KCNIP4: variants seen among roughly 807,000 people sequenced by gnomAD.
The protein encoded by KCNIP4 is potassium voltage-gated channel interacting protein 4, also known as Kv channel-interacting protein 4.
Under a neutral mutation model 34.0 loss-of-function variants are expected in KCNIP4, and 12 were observed. The ratio of observed to expected loss-of-function variants is 0.35; its 90% CI spans 0.23 to 0.57. The LOEUF is 0.57. KCNIP4 is among the 20% of genes least tolerant of loss of function. The pLI is 0.83. For missense variants in KCNIP4, 238 were observed against 311.7 expected (o/e 0.76, Z 1.78); for synonymous variants, 124 against 102.2 (o/e 1.21, Z -1.29).
At chr4:20,897,958 G>C (rs909549501) in intron 1 of KCNIP4, among the ~76,000 whole-genome samples, 3 of 152,158 alleles carry the variant, frequency 2.0e-5, no homozygotes, top group African/African-American at 7.2e-5. Flanking sequence ...TTCTTGGTGG[G>C]TCTGTGTTTC....
At chr4:21,026,250 G>A (rs912593281) in intron 1 of KCNIP4, among the ~76,000 whole-genome samples, 12 of 152,150 alleles carry the variant, frequency 7.9e-5, no homozygotes, top group African/African-American at 2.9e-4. Context: ...AGTTCTCAGA[G>A]AAGCCTGTAC....
intron 1 of KCNIP4, among the ~76,000 whole-genome samples, chr4:21,165,408 TAA>T (rs538397549): frequency 0.017 from 27 of 1,614 alleles, 1 homozygote; most frequent in African/African-American, 0.029. Context: ...TAGAGTATAA[TAA>T]AAAAAAAAAA....
At chr4:21,693,693 T>A (rs1180748986) in intron 1 of KCNIP4, among the ~76,000 whole-genome samples, 3 of 152,202 alleles carry the variant, frequency 2.0e-5, no homozygotes, top group Non-Finnish European at 4.4e-5. Flanking sequence ...AATGGACAAA[T>A]GTGCATCATC....
At chr4:21,144,764 T>G (rs910608026) in intron 1 of KCNIP4, among the ~76,000 whole-genome samples, 3 of 152,186 alleles carry the variant, frequency 2.0e-5, no homozygotes, top group African/African-American at 7.2e-5. Context: ...TTAGAGCCAT[T>G]TTTGTCCTTT....
chr4:21,071,828 T>C (rs919132181), intron 1 of KCNIP4, among the ~76,000 whole-genome samples: 2 of 152,146 alleles, frequency 1.3e-5, no homozygotes, highest in Non-Finnish European at 2.9e-5. Context: ...GTGTGTGATG[T>C]TCCCCTTCCT....
chr4:21,732,214 C>T (rs1029099338), intron 1 of KCNIP4, among the ~76,000 whole-genome samples: 2 of 151,878 alleles, frequency 1.3e-5, no homozygotes, highest in Non-Finnish European at 2.9e-5. Context: ...TTCATTAACT[C>T]CCTTTATAAA....
chr4:21,668,895 C>T (rs573476828), intron 1 of KCNIP4, among the ~76,000 whole-genome samples: 40 of 152,176 alleles, frequency 2.6e-4, no homozygotes, highest in East Asian at 1.7e-3. Context: ...GGCCCACTTG[C>T]GGATTGTTTT....
intron 1 of KCNIP4, among the ~76,000 whole-genome samples, chr4:21,583,622 G>C (rs1741399704): frequency 6.6e-6 from 1 of 151,936 alleles, no homozygotes; most frequent in African/African-American, 2.4e-5. Flanking sequence ...ATATTTTAAT[G>C]CAATTCCAAT....
chr4:21,473,701 G>T (rs1050151933), intron 1 of KCNIP4, among the ~76,000 whole-genome samples: 2 of 150,494 alleles, frequency 1.3e-5, no homozygotes, highest in Admixed American at 1.3e-4. Context: ...GAGCAACACA[G>T]AAGACTGAGA....
chr4:21,373,620 C>T (rs1266679148), intron 1 of KCNIP4, among the ~76,000 whole-genome samples: 1 of 147,300 alleles, frequency 6.8e-6, no homozygotes, highest in East Asian at 2.0e-4. Flanking sequence ...GGTTCATGGC[C>T]AGGTTCTGGC....
At chr4:21,592,510 G>A (rs531272743) in intron 1 of KCNIP4, among the ~76,000 whole-genome samples, 1 of 152,188 alleles carries the variant, frequency 6.6e-6, no homozygotes, top group East Asian at 1.9e-4. Flanking sequence ...TGTTAAGGTT[G>A]ATCATCACTA....
intron 1 of KCNIP4, among the ~76,000 whole-genome samples, chr4:20,902,185 T>G (rs1727219804): frequency 6.6e-6 from 1 of 152,206 alleles, no homozygotes; most frequent in Non-Finnish European, 1.5e-5. Context: ...GATACAAGTC[T>G]GGCCCTTCTA....
intron 1 of KCNIP4, among the ~76,000 whole-genome samples, chr4:21,828,461 C>A (rs554508938): frequency 4.1e-4 from 63 of 151,970 alleles, no homozygotes; most frequent in Admixed American, 2.2e-3. Flanking sequence ...AATAACAAGA[C>A]TTTCCAAAAC....
chr4:21,314,262 C>T (rs1713492691), intron 1 of KCNIP4, among the ~76,000 whole-genome samples: 2 of 152,166 alleles, frequency 1.3e-5, no homozygotes, highest in Admixed American at 6.5e-5. Flanking sequence ...AGGTCAGGCT[C>T]ACTTGGGATT....
chr4:21,382,707 G>A (rs1261103337), intron 1 of KCNIP4, among the ~76,000 whole-genome samples: 1 of 152,114 alleles, frequency 6.6e-6, no homozygotes, highest in African/African-American at 2.4e-5. Flanking sequence ...TTTATCTACT[G>A]CACAGCAAGC....
intron 1 of KCNIP4, among the ~76,000 whole-genome samples, chr4:20,988,360 T>G (rs1390487239): frequency 6.6e-6 from 1 of 152,200 alleles, no homozygotes; most frequent in Non-Finnish European, 1.5e-5. Context: ...GACCAGTCTG[T>G]GAAAGAGAGA....
chr4:20,835,792 G>T (rs1426311958), intron 3 of KCNIP4, among the ~76,000 whole-genome samples: 1 of 151,806 alleles, frequency 6.6e-6, no homozygotes, highest in African/African-American at 2.4e-5. Flanking sequence ...CCAGTTTTCT[G>T]CATCTTAGTA....
intron 4 of KCNIP4, among the ~76,000 whole-genome samples, chr4:20,757,382 G>A (rs1473310051): frequency 6.6e-6 from 1 of 152,132 alleles, no homozygotes; most frequent in African/African-American, 2.4e-5. Flanking sequence ...ACCTATCAGT[G>A]AAATGTATCC....
chr4:21,265,267 T>C (rs1195373656), intron 1 of KCNIP4, among the ~76,000 whole-genome samples: 2 of 152,088 alleles, frequency 1.3e-5, no homozygotes, highest in Non-Finnish European at 2.9e-5. Context: ...TTTACCTGAA[T>C]GTGTTTGCAT....
Sources: gnomAD v4.1 joint callset for allele counts (sites outside exome capture counted in the v4.1 genomes callset) on GRCh38, gnomAD v4.1.1 for gene constraint, MANE v1.5 for transcripts, NCBI Gene and HGNC (gene_info 2026-07-23, HGNC 2026-07-21) for gene names.